DMGDH: variants seen among roughly 807,000 people sequenced by gnomAD.
DMGDH encodes the protein dimethylglycine dehydrogenase, mitochondrial.
A neutral mutation model predicts 95.2 loss-of-function variants in DMGDH; 76 were observed. The observed-to-expected ratio is 0.80, with a 90% confidence interval of 0.66 to 0.97. The LOEUF (loss-of-function observed/expected upper bound fraction) is 0.97. Among genes scored for constraint, DMGDH ranks in the 50% least tolerant of loss-of-function variants. The pLI is 0.00. For synonymous variants in DMGDH, 345 were observed against 377.6 expected (o/e 0.91, Z 1.00); for missense variants, 987 against 1,055.0 (o/e 0.94, Z 0.89).
intron 7 of DMGDH, among the ~76,000 whole-genome samples, chr5:79,037,928 C>T (rs1348992668): frequency 2.0e-5 from 3 of 152,092 alleles, no homozygotes; most frequent in African/African-American, 7.2e-5. Context: ...TTTAAAAGAC[C>T]TAAGTAAATG....
chr5:79,063,546 C>G, intron 2 of DMGDH, 67 bp downstream of exon 2: 2 of 1,597,016 alleles, frequency 1.3e-6, no homozygotes, highest in Non-Finnish European at 1.7e-6. Flanking sequence ...GAGTTGTGAA[C>G]GGGAAGGAAA....
intron 10 of DMGDH, among the ~76,000 whole-genome samples, chr5:79,030,249 C>G (rs1002064203): frequency 6.6e-6 from 1 of 152,188 alleles, no homozygotes; most frequent in Non-Finnish European, 1.5e-5. Context: ...CATTAAAAAG[C>G]TCTTCTTCAT....
At chr5:79,048,149 C>CTT (rs1554037017) in intron 5 of DMGDH, among the ~76,000 whole-genome samples, 1 of 150,646 alleles carries the variant, frequency 6.6e-6, no homozygotes, top group Non-Finnish European at 1.5e-5. Flanking sequence ...ATTATTATAC[C>CTT]TTTTTTTTTA....
intron 14 of DMGDH, among the ~76,000 whole-genome samples, chr5:79,006,129 C>T (rs1363768383): frequency 1.3e-5 from 2 of 149,996 alleles, no homozygotes; most frequent in Admixed American, 6.7e-5. Context: ...CATGGGCACA[C>T]TCAGGGCCAT....
chr5:79,003,713 G>A (rs1753494834), intron 15 of DMGDH, among the ~76,000 whole-genome samples: 1 of 152,162 alleles, frequency 6.6e-6, no homozygotes, highest in African/African-American at 2.4e-5. Context: ...ACTTCGGGAG[G>A]CCAAGGTGGG....
intron 7 of DMGDH, among the ~76,000 whole-genome samples, chr5:79,035,306 C>T (rs1219814422): frequency 6.6e-6 from 1 of 152,122 alleles, no homozygotes; most frequent in African/African-American, 2.4e-5. Flanking sequence ...GTTGATAAGA[C>T]TTGAAGGCTT....
At chr5:79,036,213 T>C (rs1488032019) in intron 7 of DMGDH, among the ~76,000 whole-genome samples, 1 of 152,232 alleles carries the variant, frequency 6.6e-6, no homozygotes, top group African/African-American at 2.4e-5. Flanking sequence ...ATTGGGCCCT[T>C]GTATGACCAG....
chr5:79,042,657 T>C (rs1225032606), intron 6 of DMGDH, among the ~76,000 whole-genome samples, 176 bp from the exon 7 acceptor site: 1 of 152,224 alleles, frequency 6.6e-6, no homozygotes, highest in Non-Finnish European at 1.5e-5. Flanking sequence ...TCCATTTATA[T>C]TACTGAAAAC....
chr5:79,000,192 A>C (rs1194725868), intron 15 of DMGDH: 1 of 603,778 alleles, frequency 1.7e-6, no homozygotes, highest in South Asian at 1.4e-5. Flanking sequence ...TTTCTGGCAC[A>C]GTTATGTTTA....
At chr5:79,030,507 A>G (rs7736178) in intron 10 of DMGDH, 88,058 of 289,794 alleles carry the variant, frequency 0.3, 14,775 homozygotes, top group African/African-American at 0.49. Context: ...TTAGCTGGGC[A>G]TGGTGGCACA....
At position 79,021,614 on chromosome 5, in the gene DMGDH, G is replaced by T. The variant is rs536748532; in HGVS notation, c.2250+2657C>A. On this transcript the variant is annotated intron_variant, in intron 14 of 15. Transcript: ENST00000255189. ...ACAAGAACACGATTCACCCTAATAA[G>T]GCCTGATGGCCCATCTGCTCACCCA... is the stretch of plus-strand genomic sequence containing the variant. The T allele has an allele frequency of 9.1e-6, 12 of 1,314,940 alleles. No homozygotes were observed. The East Asian group carries it at 5.4e-4, about 59-fold the overall frequency. The allele number at this position is 1,314,940 out of a possible 1,614,324, so 81.5% of individuals were successfully genotyped here.
intron 2 of DMGDH, among the ~76,000 whole-genome samples, chr5:79,062,060 G>A (rs947025279): frequency 1.3e-5 from 2 of 151,986 alleles, no homozygotes; most frequent in African/African-American, 4.8e-5. Context: ...TCCCTCGAAG[G>A]GTATTTCCAC....
chr5:79,048,898 T>A (rs1395291900), intron 5 of DMGDH, among the ~76,000 whole-genome samples: 1 of 151,676 alleles, frequency 6.6e-6, no homozygotes, highest in Non-Finnish European at 1.5e-5. Context: ...AGCAGAGATC[T>A]GGTCTAAATG....
chr5:79,030,850 C>T lies in DMGDH; in HGVS notation c.1666G>A (p.Ala556Thr). The T allele has an allele frequency of 6.2e-7, 1 of 1,614,018 alleles. No homozygotes were observed. ...DSIRLLDHLF[A>T]NVIPKVGFTN... ...CTATTTACCTTTGGAATGACATTTG[C>T]AAAGAGATGGTCCAGTAGTCTAATG... is the stretch of plus-strand genomic sequence containing the variant. Residue 556 changes from alanine (A) to threonine (T), a missense_variant, in exon 10 of 16, where the codon GCA (alanine) becomes ACA (threonine). Physicochemically the swap from Ala to Thr is moderately conservative, Grantham distance 58 (BLOSUM62 0). Coordinates refer to ENST00000255189, the MANE Select transcript of DMGDH (RefSeq NM_013391.3).
At position 79,028,607 on chromosome 5, in the gene DMGDH, T is replaced by C. The variant is rs1399785038; in HGVS notation, c.1858A>G (p.Ile620Val). The change falls in exon 12 of 16, where the codon ATT (isoleucine) becomes GTT (valine). Residue 620 changes from isoleucine to valine, a missense_variant. Transcript: ENST00000255189. ...CCAAGCTCATCAGTTATGTTTTTAA[T>C]TTCAACATCATATCCACCTTTGACT... ...EAVKGGYDVE[I>V]KNITDELGVL... 6.2e-7 allele frequency: 1 copy of C among 1,614,172 alleles called. No homozygotes were observed. The highest frequency in any genetic ancestry group is 1.3e-5 in the African/African-American group (1 of 75,054).
In DMGDH at chr5:79,028,131, C is replaced by A. The variant is rs570210260; in HGVS notation, c.2032+302G>T. On this transcript the variant is annotated intron_variant, in intron 12 of 15. Transcript: ENST00000255189. ...CTGGGATTACAGGTGTGAGCCACTGCACCCAGCCCCCACTTTTTTTTTATC... is the reference window on the plus strand; with the variant it reads ...CTGGGATTACAGGTGTGAGCCACTGAACCCAGCCCCCACTTTTTTTTTATC... 3.5e-5 allele frequency among the ~76,000 whole-genome samples: 5 copies of A among 143,064 alleles called. No individual in the cohort carries two copies. The East Asian group carries it at 9.8e-4, about 28-fold the overall frequency. 93.9% of individuals were successfully genotyped at this position (143,064 alleles called of 152,430 possible). A position where few individuals can be genotyped will look rare whatever the true frequency, so the allele number is the denominator to read the frequency against.
At chr5:79,026,339 A>G (rs890502868) in intron 13 of DMGDH, 85 bp downstream of exon 13, 25 of 1,551,042 alleles carry the variant, frequency 1.6e-5, no homozygotes, top group Admixed American at 3.4e-5. Context: ...AGCCAAAACC[A>G]ATGTTATTGC....
At chr5:79,012,586 C>T (rs1384529488) in intron 14 of DMGDH, among the ~76,000 whole-genome samples, 1 of 152,232 alleles carries the variant, frequency 6.6e-6, no homozygotes, top group East Asian at 1.9e-4. Context: ...TCCATGAGGG[C>T]TCCACCCTTG....
At chr5:79,048,531 G>C (rs755407117) in intron 5 of DMGDH, among the ~76,000 whole-genome samples, 27 of 152,094 alleles carry the variant, frequency 1.8e-4, no homozygotes, top group Admixed American at 1.2e-3. Context: ...TGGTCACACT[G>C]AGAAACTGTG....
Sources: gnomAD v4.1 joint callset for allele counts (sites outside exome capture counted in the v4.1 genomes callset) on GRCh38, gnomAD v4.1.1 for gene constraint, MANE v1.5 for transcripts, NCBI Gene and HGNC (gene_info 2026-07-23, HGNC 2026-07-21) for gene names.